ADAMTSL1: variants seen among roughly 807,000 people sequenced by gnomAD.
ADAMTSL1 encodes the protein ADAMTS like 1.
A neutral mutation model predicts 201.8 loss-of-function variants in ADAMTSL1; 126 were observed. That is an observed-to-expected ratio of 0.62 (90% CI 0.54 to 0.72). The LOEUF (loss-of-function observed/expected upper bound fraction) is 0.72. Ranked by LOEUF, ADAMTSL1 falls within the 30% of genes least tolerant of loss-of-function variation. The probability of loss-of-function intolerance (pLI) is 0.00; values close to 1 mark genes in which losing one functional copy is unlikely to be tolerated. For synonymous variants in ADAMTSL1, 1,121 were observed against 903.4 expected, an observed-to-expected ratio of 1.24 and a Z score of -4.32; for missense variants, 2,679 against 2,277.8, an observed-to-expected ratio of 1.18 and a Z score of -3.59.
At chr9:18,706,612 C>A in intron 13 of ADAMTSL1, 135 bp from the exon 14 acceptor site, 2 of 837,350 alleles carry the variant, frequency 2.4e-6, no homozygotes, top group Non-Finnish European at 3.7e-6. Flanking sequence ...CATCACAGGA[C>A]AGGGTGGAGG....
At chr9:18,338,597 C>G (rs553292117) in intron 2 of ADAMTSL1, among the ~76,000 whole-genome samples, 1 of 152,172 alleles carries the variant, frequency 6.6e-6, no homozygotes, top group East Asian at 1.9e-4. Context: ...CAGGGGTATG[C>G]CACCTTGCCC....
At chr9:17,978,918 A>G (rs574947931) in intron 1 of ADAMTSL1, among the ~76,000 whole-genome samples, 2 of 150,308 alleles carry the variant, frequency 1.3e-5, no homozygotes, top group Non-Finnish European at 3.0e-5. Flanking sequence ...ATTCTCCTTC[A>G]TTTGAAATAC....
chr9:17,915,253 T>A (rs1826050363), intron 1 of ADAMTSL1, among the ~76,000 whole-genome samples: 1 of 152,240 alleles, frequency 6.6e-6, no homozygotes, highest in Non-Finnish European at 1.5e-5. Context: ...AATACTTTGT[T>A]ACTGTGAATT....
At position 17,920,550 on chromosome 9, in the gene ADAMTSL1, C is replaced by G. The variant is rs1826263645; in HGVS notation, c.87+13628C>G. 2.0e-5 allele frequency among the ~76,000 whole-genome samples: 3 copies of G among 152,164 alleles called. No individual in the cohort carries two copies. The South Asian group carries it at 6.2e-4, about 31-fold the overall frequency. ...TTTCTCCCTGCTTCTACTCCCCTCC[C>G]TCAAATTTTGGTGGCATCACCGCGT... is the stretch of plus-strand genomic sequence containing the variant. On this transcript the variant is annotated intron_variant, in intron 1 of 29. Coordinates refer to the ADAMTSL1 transcript ENST00000680146.
intron 1 of ADAMTSL1, among the ~76,000 whole-genome samples, chr9:17,969,190 G>A (rs1027219077): frequency 2.4e-5 from 3 of 125,978 alleles, no homozygotes; most frequent in Non-Finnish European, 3.5e-5. Flanking sequence ...GAAATGGAGT[G>A]TTTACTAGAT....
chr9:18,240,002 C>G (rs553630138), intron 2 of ADAMTSL1, among the ~76,000 whole-genome samples: 2 of 152,260 alleles, frequency 1.3e-5, no homozygotes, highest in African/African-American at 2.4e-5. Flanking sequence ...TTAGGGTTGG[C>G]ATCAACTTCT....
intron 3 of ADAMTSL1, among the ~76,000 whole-genome samples, chr9:18,537,906 A>C (rs1819885309): frequency 6.6e-6 from 1 of 150,738 alleles, no homozygotes; most frequent in Admixed American, 6.6e-5. Flanking sequence ...AGAAAGAAGA[A>C]GAAGAAGAAG....
intron 1 of ADAMTSL1, among the ~76,000 whole-genome samples, chr9:17,985,340 A>G (rs952255331): frequency 1.1e-4 from 17 of 152,172 alleles, no homozygotes; most frequent in African/African-American, 4.1e-4. Flanking sequence ...TAAAACTTTA[A>G]ATGTTAAAAT....
rs183363961 is a variant in ADAMTSL1 at position 17,981,349 on chromosome 9, C to T, written c.87+74427C>T. Among the ~76,000 whole-genome samples, 660 of 152,312 alleles carry T rather than the reference C, an allele frequency of 4.3e-3. 6 individuals carry two copies. Among genetic ancestry groups the T allele is most frequent in the Non-Finnish European group, 5.3e-3 (360 of 68,022 alleles). ...TAGAACAGTCACCTTTTATGATTCCCTATTCCCTGGAAATATTTTTAAGCT... is the reference window on the plus strand; with the variant it reads ...TAGAACAGTCACCTTTTATGATTCCTTATTCCCTGGAAATATTTTTAAGCT... On this transcript the variant is annotated intron_variant, in intron 1 of 29. Coordinates refer to the ADAMTSL1 transcript ENST00000680146.
At chr9:18,060,503 G>T (rs1822400925) in intron 1 of ADAMTSL1, among the ~76,000 whole-genome samples, 1 of 152,114 alleles carries the variant, frequency 6.6e-6, no homozygotes, top group Non-Finnish European at 1.5e-5. Flanking sequence ...CTGACATGTT[G>T]GGCAAGACTA....
At chr9:18,073,872 G>A (rs1490294410) in intron 1 of ADAMTSL1, among the ~76,000 whole-genome samples, 1 of 152,156 alleles carries the variant, frequency 6.6e-6, no homozygotes, top group Non-Finnish European at 1.5e-5. Flanking sequence ...TACTTGGGGA[G>A]TGGGACTTCT....
At position 18,910,587 on chromosome 9, in the gene ADAMTSL1, A is replaced by ATGAT. The variant is rs369324563; in HGVS notation, c.*2040_*2043dup. Reference sequence around the variant, plus strand: ...TTGTGGCATAATAGTTATGCATGGAATGATAAAGACAGACAAATTCCATAC... The same window carrying ATGAT: ...TTGTGGCATAATAGTTATGCATGGAATGATTGATAAAGACAGACAAATTCCATAC... On this transcript the variant is annotated 3_prime_UTR_variant, in exon 29 of 29. Transcript: ENST00000380548. 36 of 152,370 alleles carry ATGAT rather than the reference A, an allele frequency of 2.4e-4. No homozygotes were observed. Among genetic ancestry groups the ATGAT allele is most frequent in the African/African-American group, 8.7e-4 (36 of 41,588 alleles). 9.4% of individuals were successfully genotyped at this position (152,370 alleles called of 1,614,324 possible). A position where few individuals can be genotyped will look rare whatever the true frequency, so the allele number is the denominator to read the frequency against.
chr9:18,420,838 T>C (rs1474201862), intron 2 of ADAMTSL1, among the ~76,000 whole-genome samples: 2 of 152,186 alleles, frequency 1.3e-5, no homozygotes, highest in African/African-American at 4.8e-5. Context: ...ATAGTTTTTG[T>C]CTCGAATGCC....
At chr9:18,437,122 G>A (rs1336158260) in intron 2 of ADAMTSL1, among the ~76,000 whole-genome samples, 1 of 151,224 alleles carries the variant, frequency 6.6e-6, no homozygotes, top group Non-Finnish European at 1.5e-5. Context: ...GGATTCACAT[G>A]GAGGGGGACA....
At chr9:18,356,550 AAG>A (rs1491569818) in intron 2 of ADAMTSL1, among the ~76,000 whole-genome samples, 1 of 149,966 alleles carries the variant, frequency 6.7e-6, no homozygotes, top group Non-Finnish European at 1.5e-5. Flanking sequence ...AAAAAAAAAA[AAG>A]GCTATCATCT....
At chr9:18,884,595 T>C (rs1411975207) in intron 23 of ADAMTSL1, among the ~76,000 whole-genome samples, 1 of 152,172 alleles carries the variant, frequency 6.6e-6, no homozygotes, top group African/African-American at 2.4e-5. Context: ...TTATATATAG[T>C]GTAAGTCATT....
intron 1 of ADAMTSL1, among the ~76,000 whole-genome samples, chr9:18,102,827 G>C (rs1004594060): frequency 6.6e-6 from 1 of 152,130 alleles, no homozygotes; most frequent in Non-Finnish European, 1.5e-5. Context: ...GTGGATACAG[G>C]GAGTTTTCAA....
intron 2 of ADAMTSL1, among the ~76,000 whole-genome samples, chr9:18,210,331 C>T (rs1829815331): frequency 6.7e-6 from 1 of 148,486 alleles, no homozygotes. Context: ...TTAATAAGAA[C>T]AACTTTTAAC....
chr9:18,127,069 C>T (rs141126545), intron 1 of ADAMTSL1, among the ~76,000 whole-genome samples: 8 of 152,148 alleles, frequency 5.3e-5, no homozygotes, highest in South Asian at 4.2e-4. Context: ...GTAAAGACAG[C>T]ATTTCAGTGT....
Sources: allele counts gnomAD v4.1 joint callset (sites outside exome capture counted in the v4.1 genomes callset), GRCh38; gene constraint gnomAD v4.1.1; transcripts MANE v1.5; gene names NCBI Gene and HGNC (gene_info 2026-07-23, HGNC 2026-07-21).